GPRC5D: variants seen among roughly 807,000 people sequenced by gnomAD.
GPRC5D encodes the protein G protein-coupled receptor family C group 5 member D.
GPRC5D carries 20 observed loss-of-function variants against 29.3 expected under a neutral mutation model. The observed-to-expected ratio is 0.68, with a 90% CI of 0.48 to 0.99. GPRC5D has a LOEUF of 0.99. Ranked by LOEUF, GPRC5D falls within the 50% of genes least tolerant of loss-of-function variation. GPRC5D has a pLI of 0.00. For missense variants in GPRC5D, 384 were observed against 423.6 expected (o/e 0.91, Z 0.82); for synonymous variants, 178 against 171.3 (o/e 1.04, Z -0.30).
At chr12:12,950,052 G>A (rs373151435) in exon 1 of GPRC5D, 11 of 1,614,000 alleles carry the variant, frequency 6.8e-6, no homozygotes, top group African/African-American at 1.3e-5. Flanking sequence ...CTAGATTGGA[G>A]GCATGAGCTA....
chr12:12,947,366 G>A (rs1863374764), intron 1 of GPRC5D: 1 of 152,070 alleles, frequency 6.6e-6, no homozygotes, highest in African/African-American at 2.4e-5. Flanking sequence ...CTAGCTAGGT[G>A]GAATCCTGCA....
intron 1 of GPRC5D, among the ~76,000 whole-genome samples, chr12:12,946,361 C>CT (rs1451066673): frequency 1.9e-4 from 27 of 143,396 alleles, no homozygotes; most frequent in Admixed American, 1.1e-3. Flanking sequence ...TTCTTTCTTT[C>CT]TTTCTTTTCT....
At chr12:12,947,916 T>C (rs1380404280) in intron 1 of GPRC5D, among the ~76,000 whole-genome samples, 1 of 152,202 alleles carries the variant, frequency 6.6e-6, no homozygotes, top group East Asian at 1.9e-4. Context: ...CAAATTACAT[T>C]GATGATGGCT....
chr12:12,945,207 G>C (rs1863284545), intron 1 of GPRC5D, among the ~76,000 whole-genome samples: 1 of 151,820 alleles, frequency 6.6e-6, no homozygotes, highest in Non-Finnish European at 1.5e-5. Context: ...ATTTCACCAT[G>C]TTGGCCAGGC....
At chr12:12,941,468 G>T (rs1863144696) in intron 2 of GPRC5D, among the ~76,000 whole-genome samples, 1 of 152,168 alleles carries the variant, frequency 6.6e-6, no homozygotes, top group African/African-American at 2.4e-5. Flanking sequence ...TATAGTTATG[G>T]CCTGGTCCAT....
At chr12:12,945,760 TG>T (rs1270158792) in intron 1 of GPRC5D, among the ~76,000 whole-genome samples, 3 of 152,246 alleles carry the variant, frequency 2.0e-5, no homozygotes, top group Non-Finnish European at 4.4e-5. Flanking sequence ...CTAATCTTTT[TG>T]TTGAAGTTTC....
intron 2 of GPRC5D, among the ~76,000 whole-genome samples, chr12:12,941,600 A>G (rs981418417): frequency 6.6e-6 from 1 of 152,192 alleles, no homozygotes; most frequent in Non-Finnish European, 1.5e-5. Flanking sequence ...GGCTTTAGTT[A>G]CTTTTGATCC....
intron 2 of GPRC5D, among the ~76,000 whole-genome samples, 158 bp from the exon 4 acceptor site, chr12:12,941,007 G>A (rs1361618365): frequency 6.6e-6 from 1 of 152,174 alleles, no homozygotes; most frequent in Non-Finnish European, 1.5e-5. Context: ...TGCCTCACAG[G>A]TTCAAGCAGT....
At chr12:12,945,377 G>C (rs1348286576) in intron 1 of GPRC5D, among the ~76,000 whole-genome samples, 2 of 152,156 alleles carry the variant, frequency 1.3e-5, no homozygotes, top group African/African-American at 4.8e-5. Flanking sequence ...GTCTAAAACA[G>C]ATAAGGCAGG....
intron 1 of GPRC5D, among the ~76,000 whole-genome samples, chr12:12,945,543 A>T (rs1863292963): frequency 6.6e-6 from 1 of 152,156 alleles, no homozygotes; most frequent in South Asian, 2.1e-4. Context: ...TTTATTCAGG[A>T]AGAGAAATAT....
At chr12:12,941,858 G>A (rs1367774367) in intron 2 of GPRC5D, among the ~76,000 whole-genome samples, 1 of 152,150 alleles carries the variant, frequency 6.6e-6, no homozygotes, top group Non-Finnish European at 1.5e-5. Flanking sequence ...CAGTCAGTGG[G>A]GCTCAGGTGA....
At chr12:12,946,123 A>G (rs1003186866) in intron 1 of GPRC5D, among the ~76,000 whole-genome samples, 2 of 152,272 alleles carry the variant, frequency 1.3e-5, no homozygotes, top group East Asian at 3.9e-4. Flanking sequence ...TCTGTCTACC[A>G]ACTCTTATTT....
chr12:12,947,566 T>A (rs771912784), intron 1 of GPRC5D, among the ~76,000 whole-genome samples: 6 of 141,992 alleles, frequency 4.2e-5, no homozygotes, highest in Non-Finnish European at 9.2e-5. Flanking sequence ...CCTCCCTTCT[T>A]TCTTTTATTT....
At chr12:12,944,730 G>A (rs1436358303) in intron 1 of GPRC5D, among the ~76,000 whole-genome samples, 1 of 150,626 alleles carries the variant, frequency 6.6e-6, no homozygotes, top group African/African-American at 2.4e-5. Context: ...CTACAGTACT[G>A]TGACACCTTT....
upstream of GPRC5D, among the ~76,000 whole-genome samples, chr12:12,950,717 G>A (rs1407225972): frequency 1.3e-5 from 2 of 152,014 alleles, no homozygotes; most frequent in African/African-American, 4.8e-5. Context: ...TGAGGCAGGA[G>A]AATCGCTTGA....
chr12:12,941,867 G>A (rs185765861), intron 2 of GPRC5D, among the ~76,000 whole-genome samples: 5 of 152,292 alleles, frequency 3.3e-5, no homozygotes, highest in East Asian at 1.9e-4. Flanking sequence ...GGGCTCAGGT[G>A]ATAGGTTCAG....
At chr12:12,944,826 C>T (rs1188674638) in intron 1 of GPRC5D, among the ~76,000 whole-genome samples, 6,940 of 16,836 alleles carry the variant, frequency 0.41, 2,094 homozygotes, top group Admixed American at 0.6. Flanking sequence ...TCCTTCCTTC[C>T]TTCCTTCCTT....
At chr12:12,940,704 C>A, downstream of GPRC5D, 1 of 860,918 alleles carries the variant, frequency 1.2e-6, no homozygotes, top group Non-Finnish European at 2.0e-6. Context: ...TCTGTGGGCC[C>A]CCGTGGGCTA....
chr12:12,942,351 G>C (rs778221606), intron 1 of GPRC5D, 23 bp from the exon 3 acceptor site: 2 of 1,564,532 alleles, frequency 1.3e-6, no homozygotes, highest in Non-Finnish European at 1.8e-6. Context: ...GGAGGGAAGG[G>C]CTGGGTTAGT....
Sources: allele counts gnomAD v4.1 joint callset (sites outside exome capture counted in the v4.1 genomes callset), GRCh38; gene constraint gnomAD v4.1.1; transcripts MANE v1.5; gene names NCBI Gene and HGNC (gene_info 2026-07-23, HGNC 2026-07-21).